CACNB4: variants seen among roughly 807,000 people sequenced by gnomAD.
CACNB4 encodes the protein calcium voltage-gated channel auxiliary subunit beta 4.
A neutral mutation model predicts 71.2 loss-of-function variants in CACNB4; 32 were observed. The observed-to-expected ratio is 0.45, with a 90% CI of 0.34 to 0.60. CACNB4 has a LOEUF of 0.60. Ranked by LOEUF, CACNB4 falls within the 20% of genes least tolerant of loss-of-function variation. The probability of loss-of-function intolerance (pLI) is 0.01; values close to 1 mark genes in which losing one functional copy is unlikely to be tolerated. For missense variants in CACNB4, 464 were observed against 647.9 expected (o/e 0.72, Z 3.08); for synonymous variants, 231 against 236.9 (o/e 0.97, Z 0.23).
At chr2:151,931,650 G>A (rs1054968161) in intron 2 of CACNB4, among the ~76,000 whole-genome samples, 3 of 152,196 alleles carry the variant, frequency 2.0e-5, no homozygotes, top group Admixed American at 1.3e-4. Context: ...GGCAATGGGG[G>A]GGTGACCTCT....
At chr2:152,054,011 G>C (rs186927852) in intron 2 of CACNB4, among the ~76,000 whole-genome samples, 2 of 152,228 alleles carry the variant, frequency 1.3e-5, no homozygotes, top group Non-Finnish European at 2.9e-5. Flanking sequence ...AAAATTATAG[G>C]ATACCCAGTT....
chr2:151,950,469 G>A (rs933038107), intron 2 of CACNB4, among the ~76,000 whole-genome samples: 1 of 152,130 alleles, frequency 6.6e-6, no homozygotes, highest in Non-Finnish European at 1.5e-5. Context: ...TTGACTCCTA[G>A]GTATATCCCC....
At chr2:151,905,722 A>G (rs2099854639) in intron 2 of CACNB4, among the ~76,000 whole-genome samples, 1 of 152,252 alleles carries the variant, frequency 6.6e-6, no homozygotes. Flanking sequence ...GGGAAAGATG[A>G]CCAGCGAGCT....
At chr2:151,844,494 C>T (rs1173541126) in intron 12 of CACNB4, among the ~76,000 whole-genome samples, 1 of 152,182 alleles carries the variant, frequency 6.6e-6, no homozygotes, top group Non-Finnish European at 1.5e-5. Flanking sequence ...GCAGCTACTG[C>T]CTAGAGTTTC....
chr2:151,902,914 A>G (rs2099853847), intron 2 of CACNB4, among the ~76,000 whole-genome samples: 1 of 152,184 alleles, frequency 6.6e-6, no homozygotes, highest in Non-Finnish European at 1.5e-5. Context: ...GGTTGCTACT[A>G]TCGGGTTAAA....
chr2:151,900,635 G>A (rs946058390), intron 2 of CACNB4, among the ~76,000 whole-genome samples: 7 of 152,158 alleles, frequency 4.6e-5, no homozygotes, highest in Non-Finnish European at 1.0e-4. Flanking sequence ...ATGGTTGTGA[G>A]TAGATGGCTG....
Position 151,855,245 on chromosome 2 carries a change from A to G in CACNB4, c.999T>C (p.His333=), listed in dbSNP as rs2099839985. Residue 333 remains histidine (H), a synonymous_variant, in exon 11 of 14, where the codon CAT becomes CAC. Coordinates refer to ENST00000539935, the MANE Select transcript of CACNB4 (RefSeq NM_000726.5). ...TTACCTTTGGAGATGAGACTTTTAC[A>G]TGAACAATAATTGGTGCTAAGGAAG... The part of the protein sequence containing the change: ...IKTSLAPIIV[H]VKVSSPKVLQ... 6.5e-7 allele frequency: 1 copy of G among 1,537,892 alleles called. No homozygotes were observed. The highest frequency in any genetic ancestry group is 8.9e-7 in the Non-Finnish European group (1 of 1,125,672).
chr2:152,093,752 G>T (rs1368181908), intron 2 of CACNB4, among the ~76,000 whole-genome samples: 1 of 152,190 alleles, frequency 6.6e-6, no homozygotes, highest in Non-Finnish European at 1.5e-5. Context: ...AACCACATGT[G>T]TGAGGCCACT....
intron 2 of CACNB4, among the ~76,000 whole-genome samples, chr2:151,948,361 G>C (rs965949840): frequency 1.3e-5 from 2 of 152,134 alleles, no homozygotes; most frequent in Non-Finnish European, 1.5e-5. Context: ...CTGACCTGAA[G>C]GTCCTAAAAA....
At chr2:152,081,792 T>C (rs1218453787) in intron 2 of CACNB4, among the ~76,000 whole-genome samples, 1 of 152,256 alleles carries the variant, frequency 6.6e-6, no homozygotes, top group Non-Finnish European at 1.5e-5. Context: ...TAGTTAATGT[T>C]ACTTAAAAAC....
chr2:151,972,696 T>A (rs2099872909), intron 2 of CACNB4: 1 of 142,764 alleles, frequency 7.0e-6, no homozygotes, highest in Non-Finnish European at 1.6e-5. Flanking sequence ...AGGGTTTTTT[T>A]TTGTTTTTTG....
In CACNB4 at chr2:151,872,460, T is replaced by C. The variant is rs1258227916; in HGVS notation, c.555A>G (p.Gly185=). 2.5e-6 allele frequency: 4 copies of C among 1,604,958 alleles called. No homozygotes were observed. Among genetic ancestry groups the C allele is most frequent in the Non-Finnish European group, 3.4e-6 (4 of 1,173,078 alleles). ...KSSGNSSSSL[G]EMVSGTFRAT... ...CTCGGAATGTCCCAGATACCATTTCTCCAAGACTTGAAGAAGAATTTCCAC... is the reference window on the plus strand; with the variant it reads ...CTCGGAATGTCCCAGATACCATTTCCCCAAGACTTGAAGAAGAATTTCCAC... The change falls in exon 6 of 14, where the codon GGA becomes GGG. Residue 185 remains glycine, a synonymous_variant. Coordinates refer to ENST00000539935, the MANE Select transcript of CACNB4 (RefSeq NM_000726.5).
chr2:151,999,563 G>A (rs1451256624), intron 2 of CACNB4, among the ~76,000 whole-genome samples: 2 of 152,136 alleles, frequency 1.3e-5, no homozygotes, highest in African/African-American at 4.8e-5. Context: ...ATTTGCAGAG[G>A]TGGGGCCTAA....
At chr2:151,956,534 G>A (rs2099868304) in intron 2 of CACNB4, among the ~76,000 whole-genome samples, 1 of 152,142 alleles carries the variant, frequency 6.6e-6, no homozygotes, top group South Asian at 2.1e-4. Context: ...GGAAGGAGAT[G>A]GGGAGTGGCT....
At chr2:151,933,521 C>T (rs2099862132) in intron 2 of CACNB4, among the ~76,000 whole-genome samples, 1 of 151,970 alleles carries the variant, frequency 6.6e-6, no homozygotes. Flanking sequence ...GATAGAAAAA[C>T]TGTGGCTCAA....
chr2:151,992,191 T>G (rs1324700892), intron 2 of CACNB4, among the ~76,000 whole-genome samples: 5 of 152,208 alleles, frequency 3.3e-5, no homozygotes, highest in African/African-American at 1.2e-4. Context: ...ACAGGCTGGA[T>G]GCATAAGCAC....
At chr2:151,991,346 A>C (rs1327429953) in intron 2 of CACNB4, among the ~76,000 whole-genome samples, 1 of 152,254 alleles carries the variant, frequency 6.6e-6, no homozygotes, top group Non-Finnish European at 1.5e-5. Flanking sequence ...CCCATCCTGA[A>C]GAACCAGTTT....
intron 2 of CACNB4, among the ~76,000 whole-genome samples, chr2:152,001,154 T>G (rs781067735): frequency 1.4e-4 from 21 of 152,116 alleles, no homozygotes; most frequent in South Asian, 4.1e-4. Context: ...GCAGTCAGGA[T>G]TCAAACCTAG....
chr2:151,878,867 C>T (rs1384695538), intron 4 of CACNB4, among the ~76,000 whole-genome samples: 3 of 151,992 alleles, frequency 2.0e-5, no homozygotes, highest in African/African-American at 4.8e-5. Context: ...GCTGTGATTG[C>T]ATCACTGCAC....
Sources: gnomAD v4.1 joint callset for allele counts (sites outside exome capture counted in the v4.1 genomes callset) on GRCh38, gnomAD v4.1.1 for gene constraint, MANE v1.5 for transcripts, NCBI Gene and HGNC (gene_info 2026-07-23, HGNC 2026-07-21) for gene names.